The following RUBCN variants were observed in gnomAD, a reference collection of about 807,000 sequenced individuals.
RUBCN encodes the protein run domain Beclin-1-interacting and cysteine-rich domain-containing protein.
A neutral mutation model predicts 113.2 loss-of-function variants in RUBCN; 74 were observed. The ratio of observed to expected loss-of-function variants is 0.65; its 90% confidence interval spans 0.54 to 0.79. The LOEUF is 0.79. Ranked by LOEUF, RUBCN falls within the 30% of genes least tolerant of loss-of-function variation. RUBCN has a pLI of 0.00. For synonymous variants in RUBCN, 480 were observed against 490.0 expected (o/e 0.98, Z 0.27); for missense variants, 1,109 against 1,251.7 (o/e 0.89, Z 1.72).
At chr3:197,677,429 C>A in intron 17 of RUBCN, 51 bp downstream of exon 17, 1 of 1,500,128 alleles carries the variant, frequency 6.7e-7, no homozygotes, top group Non-Finnish European at 9.3e-7. Context: ...GGATGTGTCC[C>A]TTTCGGAGAC....
Position 197,674,880 on chromosome 3 carries a change from TAAAAAAAAAAAAAA to T in RUBCN, c.*124_*137del. The T allele has an allele frequency of 2.2e-6, 1 of 461,920 alleles. No homozygotes were observed. Among genetic ancestry groups the T allele is most frequent in the Admixed American group, 6.6e-5 (1 of 15,190 alleles). 28.6% of individuals were successfully genotyped at this position (461,920 alleles called of 1,614,324 possible). On this transcript the variant is annotated 3_prime_UTR_variant, in exon 20 of 20. Coordinates refer to ENST00000296343, the MANE Select transcript of RUBCN (RefSeq NM_014687.4). ...TGCACACAGACGTCAGACAAGTCAG[TAAAAAAAAAAAAAA>T]AGATGATGATAATTAAAAAAAAAAA...
In RUBCN at chr3:197,672,911, T is replaced by G. The variant is rs1181470522; in HGVS notation, c.*2107A>C. The G allele has an allele frequency of 4.6e-5, 7 of 152,340 alleles. No individual in the cohort carries two copies. Among genetic ancestry groups the G allele is most frequent in the Non-Finnish European group, 7.3e-5 (5 of 68,114 alleles). 9.4% of individuals were successfully genotyped at this position (152,340 alleles called of 1,614,324 possible). ...TTTCACCACATTGGCCAGGCTGGTC[T>G]CAAACTCCTGACCTCATGATCCGCC... is the stretch of plus-strand genomic sequence containing the variant. On this transcript the variant is annotated 3_prime_UTR_variant, in exon 20 of 20. Coordinates refer to ENST00000296343, the MANE Select transcript of RUBCN (RefSeq NM_014687.4).
chr3:197,692,239 T>C (rs1475302997), intron 11 of RUBCN, among the ~76,000 whole-genome samples: 2 of 151,986 alleles, frequency 1.3e-5, no homozygotes, highest in African/African-American at 2.4e-5. Context: ...GGCTTCCTGG[T>C]TGGCGAACAC....
intron 7 of RUBCN, 103 bp from the exon 8 acceptor site, chr3:197,697,152 C>A: frequency 8.6e-6 from 6 of 698,796 alleles, no homozygotes; most frequent in Non-Finnish European, 1.1e-5. Flanking sequence ...CTTCCCAAAG[C>A]CCTCCCAAGC....
At chr3:197,719,736 A>G (rs950563458) in intron 1 of RUBCN, among the ~76,000 whole-genome samples, 1 of 152,198 alleles carries the variant, frequency 6.6e-6, no homozygotes, top group Non-Finnish European at 1.5e-5. Context: ...TATATTTGGT[A>G]TCTGCTCATG....
At chr3:197,711,154 C>T (rs114067459) in intron 2 of RUBCN, among the ~76,000 whole-genome samples, 2,039 of 152,300 alleles carry the variant, frequency 0.013, 34 homozygotes, top group African/African-American at 0.045. Flanking sequence ...ACATAACTTC[C>T]TGGAGAGTAA....
intron 16 of RUBCN, among the ~76,000 whole-genome samples, chr3:197,678,700 G>A (rs992644936): frequency 6.4e-5 from 8 of 125,820 alleles, no homozygotes; most frequent in Admixed American, 1.7e-4. Flanking sequence ...CCAGACTGTC[G>A]TATGCTCTAA....
chr3:197,722,714 T>G (rs998549067), intron 1 of RUBCN, among the ~76,000 whole-genome samples: 1 of 151,964 alleles, frequency 6.6e-6, no homozygotes, highest in Non-Finnish European at 1.5e-5. Flanking sequence ...CATTACATAA[T>G]GATATTGACT....
chr3:197,745,501 G>A (rs988498375), intron 1 of RUBCN, among the ~76,000 whole-genome samples: 1 of 151,572 alleles, frequency 6.6e-6, no homozygotes, highest in Non-Finnish European at 1.5e-5. Flanking sequence ...TGAAATCCCA[G>A]CTACTTGGGA....
In RUBCN at chr3:197,670,637, T is replaced by A. The variant is rs1719698774; in HGVS notation, c.*4381A>T. Among the ~76,000 whole-genome samples, 1 of 152,228 alleles carries A rather than the reference T, an allele frequency of 6.6e-6. No homozygotes were observed. Among genetic ancestry groups the A allele is most frequent in the Admixed American group, 6.5e-5 (1 of 15,286 alleles). On this transcript the variant is annotated 3_prime_UTR_variant, in exon 20 of 20. Coordinates refer to ENST00000296343, the MANE Select transcript of RUBCN (RefSeq NM_014687.4). ...TTTCCTATCTCTAGTTGAAAAACAT[T>A]TGAACATTTTATCAACTTCAGCAGT...
Position 197,673,146 on chromosome 3 carries a change from G to C in RUBCN, c.*1872C>G, listed in dbSNP as rs1219251165. On this transcript the variant is annotated 3_prime_UTR_variant, in exon 20 of 20. Coordinates refer to ENST00000296343, the MANE Select transcript of RUBCN (RefSeq NM_014687.4). ...GGGCACTTCTAGTCACAGCCCTTCAGAACTTCTGGGACTTGGCTTTTTGAG... is the reference window on the plus strand; with the variant it reads ...GGGCACTTCTAGTCACAGCCCTTCACAACTTCTGGGACTTGGCTTTTTGAG... The C allele has an allele frequency of 6.6e-6, 1 of 152,238 alleles. No homozygotes were observed. Among genetic ancestry groups the C allele is most frequent in the African/African-American group, 2.4e-5 (1 of 41,456 alleles). 9.4% of individuals were successfully genotyped at this position (152,238 alleles called of 1,614,324 possible). A position where few individuals can be genotyped will look rare whatever the true frequency, so the allele number is the denominator to read the frequency against.
intron 7 of RUBCN, among the ~76,000 whole-genome samples, chr3:197,699,829 ATTTTAT>A (rs1723437706): frequency 6.6e-6 from 1 of 152,014 alleles, no homozygotes; most frequent in African/African-American, 2.4e-5. Flanking sequence ...AATTTTTCAC[ATTTTAT>A]TTTTATATTT....
At chr3:197,680,677 C>G (rs535754437) in intron 16 of RUBCN, among the ~76,000 whole-genome samples, 1 of 152,198 alleles carries the variant, frequency 6.6e-6, no homozygotes, top group Non-Finnish European at 1.5e-5. Context: ...TCTGTCTGCC[C>G]GAGTCACATA....
intron 2 of RUBCN, among the ~76,000 whole-genome samples, chr3:197,715,333 T>C (rs747352723): frequency 1.1e-4 from 17 of 148,562 alleles, no homozygotes; most frequent in Middle Eastern, 3.5e-3. Flanking sequence ...TCAACATTAA[T>C]AAAGTTTATA....
chr3:197,672,146 G>C lies in RUBCN; in HGVS notation c.*2872C>G, dbSNP rs1719851035. On this transcript the variant is annotated 3_prime_UTR_variant, in exon 20 of 20. Transcript: ENST00000296343. ...CTCCTTTTATGTTAGTTCAACGAAA[G>C]CTCTAAATCCTTGGCAGAGAACGTC... 6.6e-6 allele frequency: 1 copy of C among 152,182 alleles called. No individual in the cohort carries two copies. 9.4% of individuals were successfully genotyped at this position (152,182 alleles called of 1,614,324 possible).
intron 9 of RUBCN, among the ~76,000 whole-genome samples, chr3:197,695,209 C>T (rs1042902013): frequency 6.8e-6 from 1 of 146,182 alleles, no homozygotes; most frequent in Non-Finnish European, 1.5e-5. Flanking sequence ...CCAGACGCAG[C>T]GGCTCACACC....
At position 197,681,379 on chromosome 3, in the gene RUBCN, G is replaced by GGAAAGCCA. The variant is rs1560407189; in HGVS notation, c.2192-20_2192-13dup. Reference sequence around the variant, plus strand: ...TCGCTTGATGTAATCTGGAAAAACCGGAAAGCCAGAAAGCCAGATGTAACT... The same window carrying GGAAAGCCA: ...TCGCTTGATGTAATCTGGAAAAACCGGAAAGCCAGAAAGCCAGAAAGCCAGATGTAACT... On this transcript the variant is annotated splice_polypyrimidine_tract_variant and intron_variant, in intron 15 of 19. Coordinates refer to ENST00000296343, the MANE Select transcript of RUBCN (RefSeq NM_014687.4). This position sits in a 1 kb window ranked among gnomAD's most constrained non-coding sequence, Gnocchi z 5.5. 2 of 1,599,844 alleles carry GGAAAGCCA rather than the reference G, an allele frequency of 1.3e-6. No individual in the cohort carries two copies. Among genetic ancestry groups the GGAAAGCCA allele is most frequent in the Non-Finnish European group, 1.7e-6 (2 of 1,167,250 alleles).
chr3:197,707,466 T>G (rs181566778), intron 2 of RUBCN, among the ~76,000 whole-genome samples: 55 of 152,298 alleles, frequency 3.6e-4, no homozygotes, highest in South Asian at 1.0e-3. Context: ...GAAATATTGT[T>G]GAGAAAATTG....
rs1380859403 is a variant in RUBCN at position 197,715,631 on chromosome 3, C to T, written c.219+2346G>A. On this transcript the variant is annotated intron_variant, in intron 2 of 19. Coordinates refer to ENST00000296343, the MANE Select transcript of RUBCN (RefSeq NM_014687.4). ...CATTTCACTGGTGAGGAAACTAAGG[C>T]ACAAAGAGGTTAAGTATTTTGCCCA... 2.0e-5 allele frequency among the ~76,000 whole-genome samples: 3 copies of T among 152,138 alleles called. No homozygotes were observed. In the South Asian group the frequency reaches 6.2e-4, roughly 32 times the overall value.
Sources: allele counts gnomAD v4.1 joint callset (sites outside exome capture counted in the v4.1 genomes callset), GRCh38; gene constraint gnomAD v4.1.1; non-coding constraint Gnocchi (gnomAD v3.1); transcripts MANE v1.5; gene names NCBI Gene and HGNC (gene_info 2026-07-23, HGNC 2026-07-21).